PPFIA1: variants seen among roughly 807,000 people sequenced by gnomAD.
PPFIA1 encodes the protein PPFI scaffold protein A1.
A neutral mutation model predicts 149.9 loss-of-function variants in PPFIA1; 25 were observed. The ratio of observed to expected loss-of-function variants is 0.17; its 90% CI spans 0.12 to 0.23. The LOEUF is 0.23. Ranked by LOEUF, PPFIA1 falls within the 10% of genes least tolerant of loss-of-function variation. PPFIA1 has a pLI of 1.00. For missense variants in PPFIA1, 1,362 were observed against 1,506.5 expected (o/e 0.90, Z 1.59); for synonymous variants, 549 against 552.8 (o/e 0.99, Z 0.10).
At chr11:70,326,962 A>G in intron 7 of PPFIA1, 144 bp downstream of exon 7, 1 of 727,984 alleles carries the variant, frequency 1.4e-6, no homozygotes, top group Non-Finnish European at 2.2e-6. Flanking sequence ...ATTGAAAAAG[A>G]GAGAGTGCTG....
rs901644298 is a variant in PPFIA1 at position 70,339,052 on chromosome 11, C to A, written c.1572-119C>A. ...TTGGGGCAGATGAGAGCAGTGCCCT[C>A]CCTGGAGACCCTTTCCTGTGTGGAA... On this transcript the variant is annotated intron_variant, in intron 13 of 27. Coordinates refer to ENST00000253925, the MANE Select transcript of PPFIA1 (RefSeq NM_003626.5). 2.7e-5 allele frequency: 34 copies of A among 1,236,752 alleles called. 1 individual carries two copies. In the South Asian group the frequency reaches 5.0e-4, roughly 18 times the overall value. The allele number at this position is 1,236,752 out of a possible 1,614,324, so 76.6% of individuals were successfully genotyped here.
rs61065064 is a variant in PPFIA1, at chr11:70,357,732, C to T, written c.2582+1478C>T. Among the ~76,000 whole-genome samples, 502 of 152,042 alleles carry T rather than the reference C, an allele frequency of 3.3e-3. 5 individuals carry two copies. Among genetic ancestry groups the T allele is most frequent in the African/African-American group, 0.012 (478 of 41,490 alleles). ...TTCCCGAGTAGCTGGGACTTACAGGCGCCCGCCACCACACCCGGCTAATTT... is the reference window on the plus strand; with the variant it reads ...TTCCCGAGTAGCTGGGACTTACAGGTGCCCGCCACCACACCCGGCTAATTT... On this transcript the variant is annotated intron_variant, in intron 19 of 27. Transcript: ENST00000253925.
chr11:70,300,169 G>A (rs1157278127), intron 2 of PPFIA1, among the ~76,000 whole-genome samples: 1 of 150,880 alleles, frequency 6.6e-6, no homozygotes, highest in Non-Finnish European at 1.5e-5. Flanking sequence ...CTTCCCATAG[G>A]CCTGGACTCC....
intron 2 of PPFIA1, among the ~76,000 whole-genome samples, chr11:70,296,955 A>G (rs2052092947): frequency 6.6e-6 from 1 of 152,136 alleles, no homozygotes; most frequent in African/African-American, 2.4e-5. Context: ...AAGATAGTTA[A>G]TTCATGACGC....
chr11:70,354,159 A>G, intron 16 of PPFIA1, 142 bp from the exon 17 acceptor site: 2 of 857,804 alleles, frequency 2.3e-6, no homozygotes. Context: ...GCCCTTCAGA[A>G]TGGTGCCAGA....
chr11:70,359,027 G>A (rs2056502133), intron 19 of PPFIA1, among the ~76,000 whole-genome samples: 1 of 152,222 alleles, frequency 6.6e-6, no homozygotes, highest in Non-Finnish European at 1.5e-5. Context: ...TTGCTGGGCT[G>A]AGTGTGGGCA....
intron 14 of PPFIA1, among the ~76,000 whole-genome samples, chr11:70,342,936 C>T (rs559749763): frequency 1.2e-3 from 90 of 78,172 alleles, no homozygotes; most frequent in African/African-American, 5.1e-3. Context: ...AATGTACCAC[C>T]TTTTTTTTTT....
At chr11:70,339,342 A>C in intron 14 of PPFIA1, 36 bp downstream of exon 14, 1 of 1,593,898 alleles carries the variant, frequency 6.3e-7, no homozygotes, top group East Asian at 2.3e-5. Flanking sequence ...TGCTTACGTG[A>C]AAGTTACCTA....
chr11:70,293,321 G>A (rs1207685864), intron 2 of PPFIA1, among the ~76,000 whole-genome samples: 1 of 152,154 alleles, frequency 6.6e-6, no homozygotes, highest in East Asian at 1.9e-4. Context: ...GGGGATTTAA[G>A]TGTGCTATAT....
chr11:70,323,131 G>C (rs2054051397), intron 2 of PPFIA1, among the ~76,000 whole-genome samples: 1 of 152,214 alleles, frequency 6.6e-6, no homozygotes, highest in Non-Finnish European at 1.5e-5. Flanking sequence ...AGTCCAGGCT[G>C]TGCCTCCATT....
intron 2 of PPFIA1, among the ~76,000 whole-genome samples, chr11:70,317,886 G>A (rs769373771): frequency 2.0e-5 from 3 of 152,256 alleles, no homozygotes; most frequent in African/African-American, 4.8e-5. Context: ...TAAAGGTGAC[G>A]AAATTTGTTC....
At chr11:70,348,037 G>A (rs2055821792) in intron 15 of PPFIA1, 152 bp from the exon 16 acceptor site, 1 of 613,408 alleles carries the variant, frequency 1.6e-6, no homozygotes. Context: ...TTTAAAAAGA[G>A]TAGAACATTT....
intron 2 of PPFIA1, among the ~76,000 whole-genome samples, chr11:70,303,833 C>A (rs1278542547): frequency 1.3e-5 from 2 of 152,114 alleles, no homozygotes; most frequent in African/African-American, 2.4e-5. Flanking sequence ...TGGTGAAACC[C>A]CGTCTCTACT....
chr11:70,307,076 A>G (rs1254930099), intron 2 of PPFIA1, among the ~76,000 whole-genome samples: 1 of 152,204 alleles, frequency 6.6e-6, no homozygotes, highest in South Asian at 2.1e-4. Context: ...AAAAAGGGAA[A>G]ATTAACCTCA....
intron 8 of PPFIA1, among the ~76,000 whole-genome samples, chr11:70,331,712 G>A (rs1310715688): frequency 2.0e-5 from 3 of 151,650 alleles, no homozygotes; most frequent in Non-Finnish European, 4.4e-5. Flanking sequence ...CTCAGGAGGT[G>A]GAGGTTGCAG....
At chr11:70,333,603 CATTG>C in intron 10 of PPFIA1, 50 bp downstream of exon 10, 1 of 1,459,014 alleles carries the variant, frequency 6.9e-7, no homozygotes, top group Middle Eastern at 1.7e-4. Context: ...GCTGCAAGGT[CATTG>C]CTCGGCTGTG....
intron 7 of PPFIA1, among the ~76,000 whole-genome samples, chr11:70,328,741 C>A (rs1236153983): frequency 6.6e-6 from 1 of 152,022 alleles, no homozygotes; most frequent in Admixed American, 6.6e-5. Context: ...GCATCTGTTA[C>A]TGATTGACTT....
chr11:70,297,324 G>T (rs1442916429), intron 2 of PPFIA1, among the ~76,000 whole-genome samples: 1 of 151,976 alleles, frequency 6.6e-6, no homozygotes, highest in East Asian at 1.9e-4. Flanking sequence ...CGAGCGGATC[G>T]CCTGAACCTA....
rs370056803 is a variant in PPFIA1 at position 70,382,137 on chromosome 11, C to T, written c.3600C>T (p.Tyr1200=). The part of the protein sequence containing the change: ...QRLDSATVRT[Y]SC ...TGGATTCTGCTACAGTCAGGACTTA[C>T]TCCTGCTAAAGTCTCCTGTTGGTGA... Residue 1200 remains tyrosine, a synonymous_variant, in exon 27 of 28, where the codon TAC becomes TAT. Coordinates refer to ENST00000253925, the MANE Select transcript of PPFIA1 (RefSeq NM_003626.5). 2.4e-5 allele frequency: 38 copies of T among 1,613,750 alleles called. No homozygotes were observed. Among genetic ancestry groups the T allele is most frequent in the Admixed American group, 8.3e-5 (5 of 59,976 alleles).
Sources: allele counts gnomAD v4.1 joint callset (sites outside exome capture counted in the v4.1 genomes callset), GRCh38; gene constraint gnomAD v4.1.1; transcripts MANE v1.5; gene names NCBI Gene and HGNC (gene_info 2026-07-23, HGNC 2026-07-21).